The following LRIG1 variants were observed in gnomAD, a reference collection of about 807,000 sequenced individuals.
The protein encoded by LRIG1 is leucine-rich repeats and immunoglobulin-like domains protein 1.
In LRIG1, 48 loss-of-function variants were observed where a neutral mutation model predicts 99.2. The ratio of observed to expected loss-of-function variants is 0.48; its 90% CI spans 0.38 to 0.62. The LOEUF (loss-of-function observed/expected upper bound fraction) is 0.62. Ranked by LOEUF, LRIG1 falls within the 20% of genes least tolerant of loss-of-function variation. The pLI is 0.00. For synonymous variants in LRIG1, 772 were observed against 596.1 expected (o/e 1.29, Z -4.30); for missense variants, 1,646 against 1,434.4 (o/e 1.15, Z -2.38).
At chr3:66,479,771 T>C (rs1448183734) in intron 1 of LRIG1, among the ~76,000 whole-genome samples, 1 of 152,148 alleles carries the variant, frequency 6.6e-6, no homozygotes, top group East Asian at 1.9e-4. Context: ...CTAGGATGGC[T>C]AAAATTTAAA....
chr3:66,491,309 C>T (rs1465029656), intron 1 of LRIG1, among the ~76,000 whole-genome samples: 3 of 152,190 alleles, frequency 2.0e-5, no homozygotes, highest in Non-Finnish European at 2.9e-5. Context: ...TATTCCATTT[C>T]TAATTATGTT....
intron 3 of LRIG1, among the ~76,000 whole-genome samples, chr3:66,423,892 T>C (rs1472384172): frequency 1.3e-5 from 2 of 152,238 alleles, no homozygotes; most frequent in Admixed American, 6.5e-5. Flanking sequence ...AAATGAGTTC[T>C]TGTTTTTAGT....
chr3:66,492,509 C>A (rs978641299), intron 1 of LRIG1, among the ~76,000 whole-genome samples: 1 of 152,070 alleles, frequency 6.6e-6, no homozygotes, highest in Non-Finnish European at 1.5e-5. Flanking sequence ...GTAAGAGAGA[C>A]CTTCACTCAT....
chr3:66,414,055 AG>A (rs1702546950), intron 5 of LRIG1, among the ~76,000 whole-genome samples: 1 of 152,154 alleles, frequency 6.6e-6, no homozygotes, highest in East Asian at 1.9e-4. Flanking sequence ...GCCTTCTAGA[AG>A]GGTACTCAGC....
chr3:66,440,938 C>T (rs1703516865), intron 3 of LRIG1, among the ~76,000 whole-genome samples: 1 of 152,152 alleles, frequency 6.6e-6, no homozygotes, highest in African/African-American at 2.4e-5. Flanking sequence ...AAAAATGCCC[C>T]CTCTCTATAA....
intron 1 of LRIG1, among the ~76,000 whole-genome samples, chr3:66,490,586 G>A (rs1199653852): frequency 1.3e-5 from 2 of 152,148 alleles, no homozygotes; most frequent in East Asian, 3.9e-4. Context: ...CTCCTAATTT[G>A]CAGAACAGCA....
rs551313338 is a variant in LRIG1, at chr3:66,381,290, G to A, written c.2770+189C>T. On this transcript the variant is annotated intron_variant, in intron 17 of 18. Coordinates refer to ENST00000273261, the MANE Select transcript of LRIG1 (RefSeq NM_015541.3). ...AATTCATGCTCAGGCTTACCATGGC[G>A]TAGATTTATTTAGGAGAAACTATCC... Among the ~76,000 whole-genome samples the A allele has an allele frequency of 9.5e-4, 144 of 152,286 alleles. No homozygotes were observed. In the Middle Eastern group the frequency reaches 0.017, roughly 18 times the overall value.
rs1221433317 is a variant in LRIG1, at chr3:66,479,665, C to A, written c.219-17156G>T. 9.9e-5 allele frequency among the ~76,000 whole-genome samples: 15 copies of A among 152,190 alleles called. 1 individual carries two copies. The highest frequency in any genetic ancestry group is 9.8e-4 in the Admixed American group (15 of 15,288). ...TAGACATTTCTCCAAAGAAGATATACACATGGTCAATAAGCATATGAAAAG... is the reference window on the plus strand; with the variant it reads ...TAGACATTTCTCCAAAGAAGATATAAACATGGTCAATAAGCATATGAAAAG... On this transcript the variant is annotated intron_variant, in intron 1 of 18. Transcript: ENST00000273261.
chr3:66,381,066 T>A, intron 17 of LRIG1: 1 of 606,470 alleles, frequency 1.6e-6, no homozygotes, highest in Non-Finnish European at 2.9e-6. Flanking sequence ...GGGTCTTTCG[T>A]GTTTACAGTG....
intron 1 of LRIG1, among the ~76,000 whole-genome samples, chr3:66,475,804 G>C (rs1019981407): frequency 3.9e-5 from 6 of 152,172 alleles, no homozygotes; most frequent in Admixed American, 2.0e-4. Flanking sequence ...TTTATTCCTA[G>C]GGGCATGAGA....
In LRIG1 at chr3:66,383,397, G is replaced by C. The variant is rs757826012; in HGVS notation, c.2076C>G (p.Thr692=). The change falls in exon 15 of 19, where the codon ACC becomes ACG. Residue 692 remains threonine (T), a synonymous_variant. Transcript: ENST00000273261. ...SANATLTVLE[T]PSLVVPLEDR... is the part of the protein sequence containing the mutation. ...CTTCCAAGGGGACCACCAAGGATGG[G>C]GTCTCTACAAGAGAGCAACAGAGAT... 64 of 1,554,392 alleles carry C rather than the reference G, an allele frequency of 4.1e-5. No individual in the cohort carries two copies. The highest frequency in any genetic ancestry group is 5.5e-5 in the Non-Finnish European group (63 of 1,145,230).
chr3:66,386,344 A>G, intron 12 of LRIG1, 43 bp from the exon 13 acceptor site: 3 of 1,514,002 alleles, frequency 2.0e-6, no homozygotes, highest in South Asian at 1.2e-5. Flanking sequence ...GGTTCTTGGT[A>G]CACAGAGGAA....
In LRIG1 at chr3:66,386,278, T is replaced by C. The variant is rs769418152; in HGVS notation, c.1492A>G (p.Ile498Val). ...VCDDFLKPQI[I>V]TQPETTMAMV... ...GCCATGGTGGTTTCTGGCTGGGTGA[T>C]GATCTGTGGCTTCAGGAAGTCATCT... Residue 498 changes from isoleucine (I) to valine (V), a missense_variant, in exon 13 of 19, where the codon ATC becomes GTC. By Grantham distance (29) the Ile-to-Val change is conservative (BLOSUM62 3). Coordinates refer to ENST00000273261, the MANE Select transcript of LRIG1 (RefSeq NM_015541.3). 6.2e-7 allele frequency: 1 copy of C among 1,614,040 alleles called. No individual in the cohort carries two copies. The highest frequency in any genetic ancestry group is 1.1e-5 in the South Asian group (1 of 91,070).
At chr3:66,416,540 T>C (rs1476120757) in intron 4 of LRIG1, among the ~76,000 whole-genome samples, 1 of 152,224 alleles carries the variant, frequency 6.6e-6, no homozygotes, top group Non-Finnish European at 1.5e-5. Flanking sequence ...TTTAACTTTT[T>C]TTCCTTCCTG....
chr3:66,499,483 A>G (rs1423112980), intron 1 of LRIG1, among the ~76,000 whole-genome samples: 1 of 152,168 alleles, frequency 6.6e-6, no homozygotes, highest in African/African-American at 2.4e-5. Context: ...GGTCTGGAAC[A>G]CAGTTCCGTA....
At chr3:66,483,716 G>A (rs1272251492) in intron 1 of LRIG1, among the ~76,000 whole-genome samples, 2 of 152,236 alleles carry the variant, frequency 1.3e-5, no homozygotes, top group African/African-American at 4.8e-5. Context: ...CTCCCCTGCA[G>A]TGTCAACTCT....
At chr3:66,406,756 C>A (rs534419910) in intron 8 of LRIG1, among the ~76,000 whole-genome samples, 3 of 152,158 alleles carry the variant, frequency 2.0e-5, no homozygotes, top group Non-Finnish European at 4.4e-5. Flanking sequence ...TTAGGGACTT[C>A]AAGGGAAATG....
At position 66,417,278 on chromosome 3, in the gene LRIG1, C is replaced by A. The variant is rs372592792; in HGVS notation, c.366-12G>T. On this transcript the variant is annotated splice_polypyrimidine_tract_variant and intron_variant, in intron 3 of 18. Coordinates refer to ENST00000273261, the MANE Select transcript of LRIG1 (RefSeq NM_015541.3). ...TCTTGTTGTGCTGCCTGAAACACAA[C>A]AAGGGAGGTGACTTGAGCATCTCTT... 359 of 1,609,630 alleles carry A rather than the reference C, an allele frequency of 2.2e-4. No individual in the cohort carries two copies. Among genetic ancestry groups the A allele is most frequent in the Non-Finnish European group, 2.9e-4 (345 of 1,176,486 alleles).
intron 1 of LRIG1, among the ~76,000 whole-genome samples, chr3:66,482,560 G>A (rs1700874935): frequency 6.6e-6 from 1 of 152,212 alleles, no homozygotes. Flanking sequence ...ACAAGCACAA[G>A]TTCACATGTA....
Sources: allele counts gnomAD v4.1 joint callset (sites outside exome capture counted in the v4.1 genomes callset), GRCh38; gene constraint gnomAD v4.1.1; transcripts MANE v1.5; gene names NCBI Gene and HGNC (gene_info 2026-07-23, HGNC 2026-07-21).